ATRN: variants seen among roughly 807,000 people sequenced by gnomAD.
ATRN encodes the protein attractin, also known as attractin-2.
ATRN carries 54 observed loss-of-function variants against 178.7 expected under a neutral mutation model. That is an observed-to-expected ratio of 0.30 (90% CI 0.24 to 0.38). The LOEUF is 0.38. ATRN is among the 10% of genes least tolerant of loss of function. ATRN has a pLI of 1.00. For synonymous variants in ATRN, 636 were observed against 663.0 expected (o/e 0.96, Z 0.63); for missense variants, 1,443 against 1,815.1 (o/e 0.79, Z 3.73).
chr20:3,560,079 T>C (rs1332148844), intron 7 of ATRN, among the ~76,000 whole-genome samples: 4 of 152,276 alleles, frequency 2.6e-5, no homozygotes, highest in South Asian at 2.1e-4. Flanking sequence ...TGGTACCATC[T>C]TTACCATTTT....
chr20:3,543,100 C>T (rs558522036), intron 3 of ATRN, among the ~76,000 whole-genome samples: 13 of 152,280 alleles, frequency 8.5e-5, no homozygotes, highest in Middle Eastern at 3.4e-3. Context: ...TCTAAGAGGC[C>T]TTCCTTTCAC....
At chr20:3,580,480 G>A (rs779724226) in intron 15 of ATRN, among the ~76,000 whole-genome samples, 2 of 152,202 alleles carry the variant, frequency 1.3e-5, no homozygotes, top group Non-Finnish European at 2.9e-5. Flanking sequence ...TCTAGATGTA[G>A]CCCAGTTAGT....
At position 3,535,243 on chromosome 20, in the gene ATRN, T is replaced by G. The variant is rs1285875630; in HGVS notation, c.411-10T>G. On this transcript the variant is annotated splice_polypyrimidine_tract_variant and intron_variant, in intron 1 of 28. Coordinates refer to ENST00000262919, the MANE Select transcript of ATRN (RefSeq NM_139321.3). ...CAGACTTAAGTTTTCTTTCTTGATT[T>G]AAATTACAGACTAACTGGATCTTCT... 1 of 1,413,464 alleles carries G rather than the reference T, an allele frequency of 7.1e-7. No homozygotes were observed. Among genetic ancestry groups the G allele is most frequent in the Non-Finnish European group, 9.4e-7 (1 of 1,062,922 alleles). The allele number at this position is 1,413,464 out of a possible 1,614,324, so 87.6% of individuals were successfully genotyped here. A position where few individuals can be genotyped will look rare whatever the true frequency, so the allele number is the denominator to read the frequency against.
At chr20:3,576,807 A>G (rs1465062001) in intron 13 of ATRN, 52 bp from the exon 14 acceptor site, 18 of 1,600,490 alleles carry the variant, frequency 1.1e-5, no homozygotes, top group Middle Eastern at 3.3e-4. Flanking sequence ...GGTCCTCACC[A>G]TAAGTTCTCT....
chr20:3,637,773 C>T (rs2087036834), intron 26 of ATRN, among the ~76,000 whole-genome samples: 1 of 152,232 alleles, frequency 6.6e-6, no homozygotes, highest in African/African-American at 2.4e-5. Context: ...CCAGAGACTT[C>T]AAACACCTTT....
chr20:3,617,355 A>G (rs2086858468), intron 24 of ATRN, among the ~76,000 whole-genome samples: 2 of 152,170 alleles, frequency 1.3e-5, no homozygotes, highest in Admixed American at 1.3e-4. Flanking sequence ...TTAAGAGGGA[A>G]ATGATTGGGT....
chr20:3,525,213 G>T (rs1210685915), intron 1 of ATRN, among the ~76,000 whole-genome samples: 1 of 151,912 alleles, frequency 6.6e-6, no homozygotes, highest in Non-Finnish European at 1.5e-5. Flanking sequence ...ATGATAAAGG[G>T]GATATCACCA....
At chr20:3,592,627 T>G in intron 19 of ATRN, 4 of 389,638 alleles carry the variant, frequency 1.0e-5, no homozygotes, top group Non-Finnish European at 1.4e-5. Flanking sequence ...GGGAAATCTC[T>G]ACCTACTCCC....
Position 3,540,245 on chromosome 20 carries a change from G to A in ATRN, c.518G>A (p.Arg173His), listed in dbSNP as rs535151003. ...EGQPNRIMRL[R>H]FNHFATECSW... Reference sequence around the variant, plus strand: ...AGGCCAAATAGAATAATGAGACTTCGTTTCAATCATTTTGCTACAGAGTGT... The same window carrying A: ...AGGCCAAATAGAATAATGAGACTTCATTTCAATCATTTTGCTACAGAGTGT... Residue 173 changes from arginine to histidine, a missense_variant, in exon 3 of 29, where the codon CGT (arginine) becomes CAT (histidine). Around this residue, in one of 4 missense-constraint regions of ATRN, gnomAD observed 862 missense variants for 972.1 expected, o/e 0.89. Coordinates refer to ENST00000262919, the MANE Select transcript of ATRN (RefSeq NM_139321.3). 1.1e-5 allele frequency: 18 copies of A among 1,597,608 alleles called. No homozygotes were observed. Among genetic ancestry groups the A allele is most frequent in the East Asian group, 2.3e-5 (1 of 44,422 alleles).
chr20:3,561,863 G>A (rs1203027916), intron 8 of ATRN, among the ~76,000 whole-genome samples: 1 of 152,104 alleles, frequency 6.6e-6, no homozygotes, highest in Non-Finnish European at 1.5e-5. Flanking sequence ...TAGTAGCTGG[G>A]ACTACAGGTG....
chr20:3,582,431 G>C, intron 16 of ATRN, 77 bp downstream of exon 16: 1 of 1,302,780 alleles, frequency 7.7e-7, no homozygotes, highest in Non-Finnish European at 1.1e-6. Flanking sequence ...TCATTGCTGA[G>C]ATGTGTGAAG....
At chr20:3,594,441 AG>A in intron 19 of ATRN, 37 bp from the exon 20 acceptor site, 1 of 1,536,896 alleles carries the variant, frequency 6.5e-7, no homozygotes, top group Non-Finnish European at 8.9e-7. Flanking sequence ...GAATTTTTTA[AG>A]CCAGTTGTGA....
chr20:3,530,250 T>G (rs938985599), intron 1 of ATRN, among the ~76,000 whole-genome samples: 4 of 147,516 alleles, frequency 2.7e-5, no homozygotes, highest in Non-Finnish European at 4.5e-5. Flanking sequence ...ATTAAAAAAT[T>G]ATATATTATA....
At chr20:3,617,125 A>G (rs1479263796) in intron 24 of ATRN, among the ~76,000 whole-genome samples, 1 of 152,144 alleles carries the variant, frequency 6.6e-6, no homozygotes, top group East Asian at 1.9e-4. Flanking sequence ...TTTTTCTGAT[A>G]TTGTCAGAAC....
intron 1 of ATRN, chr20:3,490,805 T>C (rs1600020301): frequency 1.3e-6 from 1 of 798,330 alleles, no homozygotes; most frequent in Non-Finnish European, 2.3e-6. Context: ...TGGCATTGAG[T>C]TCCTCCTTTC....
intron 20 of ATRN, 78 bp downstream of exon 20, chr20:3,594,650 C>G: frequency 8.3e-7 from 1 of 1,201,976 alleles, no homozygotes; most frequent in South Asian, 1.6e-5. Flanking sequence ...TGAGAGCCAC[C>G]CACTTCCCTG....
At chr20:3,639,188 A>C (rs2087048058) in intron 27 of ATRN, among the ~76,000 whole-genome samples, 1 of 152,128 alleles carries the variant, frequency 6.6e-6, no homozygotes. Context: ...CTTTTCTTTT[A>C]AGTATTCTGT....
chr20:3,593,240 A>G (rs989403246), intron 19 of ATRN, among the ~76,000 whole-genome samples: 2 of 152,148 alleles, frequency 1.3e-5, no homozygotes, highest in Non-Finnish European at 1.5e-5. Context: ...CCTGAGTACA[A>G]TTTGCCTTAT....
chr20:3,637,567 G>A (rs193158360), intron 26 of ATRN, among the ~76,000 whole-genome samples: 179 of 152,348 alleles, frequency 1.2e-3, no homozygotes, highest in Non-Finnish European at 2.1e-3. Flanking sequence ...CAAGGAGGCA[G>A]TTTGAAGTAA....
Sources: gnomAD v4.1 joint callset for allele counts (sites outside exome capture counted in the v4.1 genomes callset) on GRCh38, gnomAD v4.1.1 for gene constraint, gnomAD v4.1.1 regional missense constraint, MANE v1.5 for transcripts, NCBI Gene and HGNC (gene_info 2026-07-23, HGNC 2026-07-21) for gene names.